NCOR1: variants seen among roughly 807,000 people sequenced by gnomAD.
The protein encoded by NCOR1 is protein phosphatase 1, regulatory subunit 109.
A neutral mutation model predicts 288.1 loss-of-function variants in NCOR1; 63 were observed. The ratio of observed to expected loss-of-function variants is 0.22; its 90% CI spans 0.18 to 0.27. The LOEUF (loss-of-function observed/expected upper bound fraction) is 0.27. Among genes scored for constraint, NCOR1 ranks in the 10% least tolerant of loss-of-function variants. The pLI, the probability that NCOR1 is intolerant of heterozygous loss-of-function variation, is 1.00. For missense variants in NCOR1, 2,397 were observed against 3,019.2 expected, an observed-to-expected ratio of 0.79 and a Z score of 4.83; for synonymous variants, 1,007 against 1,065.9, an observed-to-expected ratio of 0.94 and a Z score of 1.08.
At chr17:16,131,146 T>C (rs573554846) in intron 14 of NCOR1, among the ~76,000 whole-genome samples, 1 of 151,826 alleles carries the variant, frequency 6.6e-6, no homozygotes, top group Admixed American at 6.6e-5. Context: ...TGCACGCCAC[T>C]GTGCCAGGCT....
At chr17:16,187,913 A>AAAAG (rs959904898) in intron 2 of NCOR1, among the ~76,000 whole-genome samples, 1 of 151,704 alleles carries the variant, frequency 6.6e-6, no homozygotes, top group Non-Finnish European at 1.5e-5. Flanking sequence ...AAAAAAAAAA[A>AAAAG]AAAGAAAGAA....
rs1197023606 is a variant in NCOR1, at chr17:16,085,284, A to G, written c.3177+998T>C. Among the ~76,000 whole-genome samples the G allele has an allele frequency of 2.0e-5, 3 of 152,252 alleles. No homozygotes were observed. In the East Asian group the frequency reaches 5.8e-4, roughly 29 times the overall value. On this transcript the variant is annotated intron_variant, in intron 23 of 45. Coordinates refer to ENST00000268712, the MANE Select transcript of NCOR1 (RefSeq NM_006311.4). ...AGACTTGACAACAGCAAATGGAGCA[A>G]TCACGTCTCATACATTGCTAGTGGC... is the stretch of plus-strand genomic sequence containing the variant.
intron 23 of NCOR1, among the ~76,000 whole-genome samples, chr17:16,085,105 T>C (rs1045589038): frequency 1.3e-5 from 2 of 152,116 alleles, no homozygotes; most frequent in Admixed American, 6.6e-5. Context: ...AAAGACCCAG[T>C]AGAAACAGAT....
intron 27 of NCOR1, among the ~76,000 whole-genome samples, chr17:16,074,085 G>T (rs117942956): frequency 1.3e-5 from 2 of 152,210 alleles, no homozygotes; most frequent in Admixed American, 6.5e-5. Context: ...ATAAAAGAAC[G>T]TAAGCGTGGT....
At chr17:16,176,417 C>T (rs528408909) in intron 3 of NCOR1, among the ~76,000 whole-genome samples, 2 of 151,818 alleles carry the variant, frequency 1.3e-5, no homozygotes, top group East Asian at 2.0e-4. Context: ...TATAGACGTG[C>T]GCCACCACTC....
chr17:16,032,200 G>C lies in NCOR1; in HGVS notation c.*96C>G. On this transcript the variant is annotated 3_prime_UTR_variant, in exon 46 of 46. Coordinates refer to ENST00000268712, the MANE Select transcript of NCOR1 (RefSeq NM_006311.4). The stretch of plus-strand genomic sequence containing the variant: ...TCTCCTGAAAAGTCTCAGGGAATAA[G>C]TCACAGGAGGGCAGGTTTTTGACCT... 1.6e-6 allele frequency: 2 copies of C among 1,255,334 alleles called. No homozygotes were observed. Among genetic ancestry groups the C allele is most frequent in the Non-Finnish European group, 2.1e-6 (2 of 931,262 alleles). The allele number at this position is 1,255,334 out of a possible 1,614,324, so 77.8% of individuals were successfully genotyped here.
intron 44 of NCOR1, among the ~76,000 whole-genome samples, chr17:16,035,650 C>G (rs1289442814): frequency 6.6e-6 from 1 of 151,444 alleles, no homozygotes; most frequent in African/African-American, 2.4e-5. Flanking sequence ...CTCAAGCAAT[C>G]CTCCCACCTC....
chr17:16,171,878 C>T lies in NCOR1; in HGVS notation c.360G>A (p.Gln120=). ...AAGGCAAAACCGCAGCACTGACACGCTGAAAATGAGAATCAGAAACCTGTT... is the reference window on the plus strand; with the variant it reads ...AAGGCAAAACCGCAGCACTGACACGTTGAAAATGAGAATCAGAAACCTGTT... ...RLEQVSDSHF[Q]RVSAAVLPLV... Residue 120 remains glutamine (Q), a synonymous_variant, in exon 4 of 46, where the codon CAG becomes CAA. Transcript: ENST00000268712. 6.2e-7 allele frequency: 1 copy of T among 1,613,542 alleles called. No homozygotes were observed. Among genetic ancestry groups the T allele is most frequent in the South Asian group, 1.1e-5 (1 of 90,958 alleles).
Position 16,201,273 on chromosome 17 carries a change from T to C in NCOR1, c.-70-6634A>G, listed in dbSNP as rs2090764222. ...AAGAAAAATTTTAATAAGGATATAA[T>C]TATTTGATAAATCTATGGGTACACA... On this transcript the variant is annotated intron_variant, in intron 1 of 45. Transcript: ENST00000268712. Among the ~76,000 whole-genome samples the C allele has an allele frequency of 3.9e-5, 6 of 152,326 alleles. No homozygotes were observed. In the South Asian group the frequency reaches 1.2e-3, roughly 32 times the overall value.
intron 2 of NCOR1, among the ~76,000 whole-genome samples, chr17:16,193,480 A>G (rs373047975): frequency 6.6e-6 from 1 of 151,938 alleles, no homozygotes; most frequent in Non-Finnish European, 1.5e-5. Flanking sequence ...TGATCCACCC[A>G]CCTCAGCCTC....
intron 2 of NCOR1, among the ~76,000 whole-genome samples, chr17:16,188,642 A>G (rs1158242309): frequency 6.6e-6 from 1 of 152,114 alleles, no homozygotes; most frequent in African/African-American, 2.4e-5. Context: ...CAAAGGCACC[A>G]AAACAAAAAG....
At chr17:16,077,692 G>A (rs1188931596) in intron 26 of NCOR1, among the ~76,000 whole-genome samples, 4 of 151,960 alleles carry the variant, frequency 2.6e-5, no homozygotes, top group Non-Finnish European at 5.9e-5. Flanking sequence ...GTTGAATCTC[G>A]AAGCATGTAT....
chr17:16,048,780 A>G (rs996406034), intron 41 of NCOR1, 65 bp downstream of exon 41: 30 of 1,441,254 alleles, frequency 2.1e-5, no homozygotes, highest in Middle Eastern at 1.9e-4. Context: ...GCAACAACTG[A>G]AGGAAATGTT....
intron 1 of NCOR1, among the ~76,000 whole-genome samples, chr17:16,205,222 CAA>C (rs1286045512): frequency 2.6e-5 from 3 of 117,032 alleles, no homozygotes; most frequent in African/African-American, 3.1e-5. Flanking sequence ...CTCTGTCTCA[CAA>C]AAAAAAAAAA....
chr17:16,068,566 C>T (rs2061385028), intron 31 of NCOR1, among the ~76,000 whole-genome samples: 2 of 152,248 alleles, frequency 1.3e-5, no homozygotes, highest in Non-Finnish European at 2.9e-5. Context: ...TTTCCTTGCT[C>T]TGTTCTTCCA....
intron 19 of NCOR1, among the ~76,000 whole-genome samples, chr17:16,105,332 G>A (rs1435360212): frequency 6.6e-5 from 10 of 152,176 alleles, no homozygotes; most frequent in East Asian, 5.8e-4. Context: ...TGGGAAAATC[G>A]CTTGAGCCTG....
At chr17:16,092,386 C>G (rs1598446584) in intron 21 of NCOR1, among the ~76,000 whole-genome samples, 2 of 151,780 alleles carry the variant, frequency 1.3e-5, no homozygotes, top group Admixed American at 1.3e-4. Context: ...ACTCGGGAGG[C>G]TGACACATGA....
In NCOR1 at chr17:16,040,448, A is replaced by G; in HGVS notation, c.6726T>C (p.Thr2242=). 1 of 1,613,704 alleles carries G rather than the reference A, an allele frequency of 6.2e-7. No individual in the cohort carries two copies. The highest frequency in any genetic ancestry group is 1.3e-5 in the African/African-American group (1 of 75,050). The change falls in exon 43 of 46, where the codon ACT becomes ACC. Residue 2242 remains threonine (T), a synonymous_variant. Coordinates refer to ENST00000268712, the MANE Select transcript of NCOR1 (RefSeq NM_006311.4). ...ATGTCTTTTCAATCTTACCTGACGTAGTAACTGCTGGCAGATTAAAGATCT... is the reference window on the plus strand; with the variant it reads ...ATGTCTTTTCAATCTTACCTGACGTGGTAACTGCTGGCAGATTAAAGATCT... ...GTEIFNLPAV[T]TSGSVSSRGH... is the part of the protein sequence containing the mutation.
At chr17:16,203,663 T>A (rs1197115540) in intron 1 of NCOR1, among the ~76,000 whole-genome samples, 1 of 152,340 alleles carries the variant, frequency 6.6e-6, no homozygotes, top group Non-Finnish European at 1.5e-5. Flanking sequence ...GAATAAAAAC[T>A]ACCTGTTTGA....
Sources: gnomAD v4.1 joint callset for allele counts (sites outside exome capture counted in the v4.1 genomes callset) on GRCh38, gnomAD v4.1.1 for gene constraint, MANE v1.5 for transcripts, NCBI Gene and HGNC (gene_info 2026-07-23, HGNC 2026-07-21) for gene names.